The following QRSL1 variants were observed in gnomAD, a reference collection of about 807,000 sequenced individuals.
QRSL1 encodes the protein glutamyl-tRNA(Gln) amidotransferase subunit A, mitochondrial.
QRSL1 carries 54 observed loss-of-function variants against 61.6 expected under a neutral mutation model. The observed-to-expected ratio is 0.88, with a 90% CI of 0.70 to 1.10. QRSL1 has a LOEUF of 1.10. Ranked by LOEUF, QRSL1 falls within the 50% of genes least tolerant of loss-of-function variation. The probability of loss-of-function intolerance (pLI) is 0.00; values close to 1 mark genes in which losing one functional copy is unlikely to be tolerated. For synonymous variants in QRSL1, 228 were observed against 225.7 expected (o/e 1.01, Z -0.09); for missense variants, 505 against 622.6 (o/e 0.81, Z 2.01).
chr6:106,638,664 C>T (rs1479011688), intron 1 of QRSL1, among the ~76,000 whole-genome samples: 1 of 152,150 alleles, frequency 6.6e-6, no homozygotes, highest in African/African-American at 2.4e-5. Context: ...CTATAAAAGT[C>T]ACTTCCTTAA....
intron 1 of QRSL1, among the ~76,000 whole-genome samples, chr6:106,637,184 A>G (rs1776937676): frequency 6.6e-6 from 1 of 152,174 alleles, no homozygotes; most frequent in South Asian, 2.1e-4. Flanking sequence ...CTGTGTGGAT[A>G]GTAAAGTAAG....
chr6:106,665,715 A>G, intron 10 of QRSL1, 67 bp from the exon 11 acceptor site: 2 of 1,337,838 alleles, frequency 1.5e-6, no homozygotes, highest in Non-Finnish European at 2.2e-6. Flanking sequence ...AGCACTGGAA[A>G]GTGGAAGAGG....
rs761204018 is a variant in QRSL1, at chr6:106,652,477, C to T, written c.744C>T (p.Ala248=). 4.3e-6 allele frequency: 7 copies of T among 1,614,018 alleles called. No homozygotes were observed. The highest frequency in any genetic ancestry group is 1.7e-5 in the Admixed American group (1 of 59,994). Reference sequence around the variant, plus strand: ...TATTGCTCCTTACAGGTGCACTGGCCGGACCTGACCCCAGGGACTCTACCA... The same window carrying T: ...TATTGCTCCTTACAGGTGCACTGGCTGGACCTGACCCCAGGGACTCTACCA... ...DDAAIVLGAL[A]GPDPRDSTTV... is the part of the protein sequence containing the mutation. Residue 248 remains alanine, a synonymous_variant, in exon 7 of 11, where the codon GCC becomes GCT. Transcript: ENST00000369046.
chr6:106,657,520 G>A (rs754535972), intron 9 of QRSL1, among the ~76,000 whole-genome samples: 1 of 151,666 alleles, frequency 6.6e-6, no homozygotes, highest in Non-Finnish European at 1.5e-5. Flanking sequence ...AAGGAGAGAA[G>A]TCAGAAAGCA....
chr6:106,635,938 TGTCTCC>T (rs1776913197), intron 1 of QRSL1, among the ~76,000 whole-genome samples: 1 of 151,862 alleles, frequency 6.6e-6, no homozygotes, highest in African/African-American at 2.4e-5. Flanking sequence ...TTAATTAAAA[TGTCTCC>T]ACTTCATTAC....
At chr6:106,654,645 TA>T in intron 7 of QRSL1, 84 bp from the exon 8 acceptor site, 1 of 1,206,618 alleles carries the variant, frequency 8.3e-7, no homozygotes, top group Non-Finnish European at 1.2e-6. Context: ...CAGATTTTTA[TA>T]AAATCATCTA....
chr6:106,640,635 G>A (rs1470444487), intron 2 of QRSL1, 127 bp downstream of exon 2: 7 of 1,025,066 alleles, frequency 6.8e-6, no homozygotes, highest in Non-Finnish European at 9.8e-6. Flanking sequence ...CTTGCCATGA[G>A]GATAATAAAA....
chr6:106,644,159 A>G (rs904738211), intron 4 of QRSL1, among the ~76,000 whole-genome samples: 2 of 152,194 alleles, frequency 1.3e-5, no homozygotes. Flanking sequence ...GGCATGTGCC[A>G]CCACGCCCGG....
At chr6:106,640,686 G>A (rs1046903869) in intron 2 of QRSL1, 137 bp from the exon 3 acceptor site, 77 of 985,774 alleles carry the variant, frequency 7.8e-5, no homozygotes, top group Non-Finnish European at 1.2e-4. Flanking sequence ...ATGTCCAACT[G>A]TATTAATTTC....
At chr6:106,641,845 T>A (rs907115194) in intron 3 of QRSL1, among the ~76,000 whole-genome samples, 1 of 152,198 alleles carries the variant, frequency 6.6e-6, no homozygotes, top group African/African-American at 2.4e-5. Context: ...TCTCTGACTA[T>A]CATGCAATAT....
At chr6:106,656,395 C>T (rs1028507521) in intron 9 of QRSL1, among the ~76,000 whole-genome samples, 2 of 152,150 alleles carry the variant, frequency 1.3e-5, no homozygotes, top group African/African-American at 4.8e-5. Context: ...CTTAGTTTTT[C>T]CTTGTATTAT....
chr6:106,644,613 C>CG, intron 4 of QRSL1, among the ~76,000 whole-genome samples: 1 of 152,224 alleles, frequency 6.6e-6, no homozygotes, highest in East Asian at 1.9e-4. Flanking sequence ...CTCCGCCTCC[C>CG]AGGTTCAAGC....
intron 9 of QRSL1, among the ~76,000 whole-genome samples, chr6:106,657,678 TA>T (rs1220654593): frequency 1.3e-5 from 2 of 152,304 alleles, no homozygotes; most frequent in East Asian, 3.9e-4. Flanking sequence ...TTTTTTATTT[TA>T]AAAAGTCAAC....
At chr6:106,636,514 T>C (rs2114699235) in intron 1 of QRSL1, among the ~76,000 whole-genome samples, 1 of 152,100 alleles carries the variant, frequency 6.6e-6, no homozygotes, top group East Asian at 1.9e-4. Flanking sequence ...AGAGACGGGG[T>C]TTCACCGTGT....
intron 7 of QRSL1, 86 bp from the exon 8 acceptor site, chr6:106,654,644 A>G (rs1777239552): frequency 2.5e-6 from 3 of 1,203,144 alleles, no homozygotes; most frequent in East Asian, 5.2e-5. Context: ...ACAGATTTTT[A>G]TAAAATCATC....
At chr6:106,646,392 C>G (rs551452707) in intron 4 of QRSL1, among the ~76,000 whole-genome samples, 1 of 151,900 alleles carries the variant, frequency 6.6e-6, no homozygotes, top group Non-Finnish European at 1.5e-5. Flanking sequence ...AAAGATAAAT[C>G]CAAAATGAGA....
At chr6:106,648,130 T>G (rs1777140943) in intron 4 of QRSL1, among the ~76,000 whole-genome samples, 1 of 151,542 alleles carries the variant, frequency 6.6e-6, no homozygotes, top group South Asian at 2.1e-4. Flanking sequence ...ACCCCGTCTC[T>G]ACTGAAAATA....
At chr6:106,647,649 C>CTTTTTTT (rs35122457) in intron 4 of QRSL1, among the ~76,000 whole-genome samples, 6 of 84,248 alleles carry the variant, frequency 7.1e-5, no homozygotes, top group Non-Finnish European at 1.2e-4. Context: ...CCATAAAGTA[C>CTTTTTTT]TTTTTTTTTT....
chr6:106,646,027 ACAG>A (rs770424332), intron 4 of QRSL1, among the ~76,000 whole-genome samples: 16 of 152,322 alleles, frequency 1.1e-4, no homozygotes, highest in African/African-American at 3.6e-4. Context: ...ATCTTAGGGA[ACAG>A]CAGTCTTTCA....
Sources: allele counts gnomAD v4.1 joint callset (sites outside exome capture counted in the v4.1 genomes callset), GRCh38; gene constraint gnomAD v4.1.1; transcripts MANE v1.5; gene names NCBI Gene and HGNC (gene_info 2026-07-23, HGNC 2026-07-21).